The following SRBD1 variants were observed in gnomAD, a reference collection of about 807,000 sequenced individuals.
SRBD1 encodes the protein S1 RNA-binding domain-containing protein 1.
Under a neutral mutation model 115.3 loss-of-function variants are expected in SRBD1, and 88 were observed. The observed-to-expected ratio is 0.76, with a 90% CI of 0.64 to 0.91. The LOEUF is 0.91. SRBD1 is among the 40% of genes least tolerant of loss of function. The probability of loss-of-function intolerance (pLI) is 0.00; values close to 1 mark genes in which losing one functional copy is unlikely to be tolerated. For synonymous variants in SRBD1, 509 were observed against 407.7 expected (o/e 1.25, Z -2.99); for missense variants, 1,385 against 1,177.4 (o/e 1.18, Z -2.58).
At position 45,585,670 on chromosome 2, in the gene SRBD1, C is replaced by T. The variant is rs758321520; in HGVS notation, c.753G>A (p.Glu251=). ...AATCAGCATCAAGGTTATTAATGAG[C>T]TCTTTTCTATAACGTATAATGAAGG... is the stretch of plus-strand genomic sequence containing the variant. The part of the protein sequence containing the change: ...TIPFIIRYRK[E]LINNLDADSL... The change falls in exon 5 of 21, where the codon GAG becomes GAA. Residue 251 remains glutamate, a synonymous_variant. Transcript: ENST00000263736. 1 of 1,612,494 alleles carries T rather than the reference C, an allele frequency of 6.2e-7. No homozygotes were observed. Among genetic ancestry groups the T allele is most frequent in the South Asian group, 1.1e-5 (1 of 90,682 alleles).
chr2:45,470,185 T>G (rs1221218407), intron 16 of SRBD1, among the ~76,000 whole-genome samples: 1 of 152,226 alleles, frequency 6.6e-6, no homozygotes, highest in Non-Finnish European at 1.5e-5. Context: ...TAAAACTCCA[T>G]TTAATAATCT....
chr2:45,548,548 G>A (rs1672191948), intron 12 of SRBD1, among the ~76,000 whole-genome samples: 2 of 151,898 alleles, frequency 1.3e-5, no homozygotes, highest in Non-Finnish European at 2.9e-5. Context: ...TATCCTATAA[G>A]CAATACAATA....
chr2:45,601,807 C>T (rs1164431240), intron 3 of SRBD1, 96 bp downstream of exon 3: 7 of 1,487,760 alleles, frequency 4.7e-6, no homozygotes, highest in Non-Finnish European at 6.3e-6. Context: ...CAGTTTTTGT[C>T]ATTTACATGC....
chr2:45,500,244 G>GTGTC (rs1452729128), intron 14 of SRBD1, among the ~76,000 whole-genome samples: 4 of 150,104 alleles, frequency 2.7e-5, no homozygotes, highest in Non-Finnish European at 5.9e-5. Flanking sequence ...GTGTGTGTGT[G>GTGTC]TGTGTGTTTG....
intron 4 of SRBD1, among the ~76,000 whole-genome samples, chr2:45,595,689 G>T (rs1325028646): frequency 6.6e-6 from 1 of 152,154 alleles, no homozygotes; most frequent in Non-Finnish European, 1.5e-5. Flanking sequence ...TGTTTACGGA[G>T]AAATTTTAAA....
chr2:45,547,709 G>C (rs571553669), intron 12 of SRBD1, 97 bp from the exon 13 acceptor site: 19 of 986,824 alleles, frequency 1.9e-5, no homozygotes, highest in South Asian at 9.4e-5. Context: ...AAAGGAGACT[G>C]GCTTGTTTTT....
intron 14 of SRBD1, among the ~76,000 whole-genome samples, chr2:45,503,925 TAAAG>T (rs925541589): frequency 1.3e-5 from 2 of 152,120 alleles, no homozygotes; most frequent in African/African-American, 4.8e-5. Flanking sequence ...AGTTAAAAGA[TAAAG>T]AAAGTTTAAA....
chr2:45,564,799 G>A (rs1006598492), intron 9 of SRBD1, among the ~76,000 whole-genome samples: 2 of 152,084 alleles, frequency 1.3e-5, no homozygotes, highest in African/African-American at 4.8e-5. Flanking sequence ...AGTAATTGCA[G>A]GATCTGAAAC....
At chr2:45,598,770 T>C (rs1036392009) in intron 4 of SRBD1, among the ~76,000 whole-genome samples, 5 of 151,720 alleles carry the variant, frequency 3.3e-5, no homozygotes, top group Non-Finnish European at 5.9e-5. Flanking sequence ...GAGTACACAA[T>C]AGAATCACAT....
chr2:45,474,042 C>T (rs1018817440), intron 16 of SRBD1, among the ~76,000 whole-genome samples: 2 of 152,162 alleles, frequency 1.3e-5, no homozygotes, highest in Non-Finnish European at 2.9e-5. Flanking sequence ...TAACCGTGTC[C>T]ACTCTATTTA....
intron 14 of SRBD1, among the ~76,000 whole-genome samples, chr2:45,520,748 C>A (rs1438208699): frequency 6.6e-6 from 1 of 152,140 alleles, no homozygotes; most frequent in East Asian, 1.9e-4. Context: ...GAAGAATCAG[C>A]CACTGTACAG....
rs528460362 is a variant in SRBD1, at chr2:45,421,233, C to T, written c.2050-1339G>A. On this transcript the variant is annotated intron_variant, in intron 16 of 20. Transcript: ENST00000263736. ...ATTAAAATGTCAGAAAATGGCCAGG[C>T]GTGGTGGCTCACGCCTGTAATCTCA... is the stretch of plus-strand genomic sequence containing the variant. 9.9e-5 allele frequency among the ~76,000 whole-genome samples: 15 copies of T among 152,038 alleles called. No homozygotes were observed. The South Asian group carries it at 1.2e-3, about 13-fold the overall frequency.
At chr2:45,553,536 T>C in intron 11 of SRBD1, 87 bp downstream of exon 11, 1 of 837,790 alleles carries the variant, frequency 1.2e-6, no homozygotes, top group Non-Finnish European at 1.7e-6. Context: ...GGTTAATCAA[T>C]CAACAAACAT....
intron 16 of SRBD1, among the ~76,000 whole-genome samples, chr2:45,430,540 G>A (rs945796641): frequency 2.0e-5 from 3 of 152,126 alleles, no homozygotes; most frequent in African/African-American, 7.2e-5. Flanking sequence ...ACAAGCAATG[G>A]GGAAAGGATT....
At chr2:45,450,341 A>C (rs1668956026) in intron 16 of SRBD1, among the ~76,000 whole-genome samples, 2 of 152,118 alleles carry the variant, frequency 1.3e-5, no homozygotes, top group African/African-American at 4.8e-5. Flanking sequence ...ATTTCCCTTG[A>C]AATTGTAGGT....
chr2:45,566,741 AGAT>A (rs1281654297), intron 9 of SRBD1, among the ~76,000 whole-genome samples: 1 of 152,236 alleles, frequency 6.6e-6, no homozygotes, highest in Non-Finnish European at 1.5e-5. Context: ...CCAATTATTA[AGAT>A]GATAAATAGT....
intron 14 of SRBD1, among the ~76,000 whole-genome samples, chr2:45,507,300 GCAGA>G (rs1030504355): frequency 1.3e-5 from 2 of 151,988 alleles, no homozygotes; most frequent in Admixed American, 6.6e-5. Context: ...AGAAAAGCAA[GCAGA>G]CAAACCAAGG....
intron 8 of SRBD1, 40 bp downstream of exon 8, chr2:45,574,587 G>A (rs1296063576): frequency 2.5e-6 from 4 of 1,570,404 alleles, no homozygotes; most frequent in Non-Finnish European, 3.5e-6. Context: ...TTAACAGCAT[G>A]AGTCCATAAA....
In SRBD1 at chr2:45,496,331, C is replaced by T. The variant is rs190635696; in HGVS notation, c.1875-8000G>A. Among the ~76,000 whole-genome samples the T allele has an allele frequency of 2.0e-5, 3 of 151,944 alleles. No individual in the cohort carries two copies. In the East Asian group the frequency reaches 5.8e-4, roughly 29 times the overall value. ...ATCTAATAACGTAAGACAGAATTAG[C>T]CAACTTTGAGAATATTCTAATATTT... On this transcript the variant is annotated intron_variant, in intron 14 of 20. Transcript: ENST00000263736.
Sources: gnomAD v4.1 joint callset for allele counts (sites outside exome capture counted in the v4.1 genomes callset) on GRCh38, gnomAD v4.1.1 for gene constraint, MANE v1.5 for transcripts, NCBI Gene and HGNC (gene_info 2026-07-23, HGNC 2026-07-21) for gene names.